Variants in CCDC88C observed in about 807,000 individuals in gnomAD.
CCDC88C encodes coiled-coil and HOOK domain protein 88C, also known as protein Daple.
A neutral mutation model predicts 198.8 loss-of-function variants in CCDC88C; 131 were observed. The ratio of observed to expected loss-of-function variants is 0.66; its 90% confidence interval spans 0.57 to 0.76. The LOEUF is 0.76. CCDC88C is among the 30% of genes least tolerant of loss of function. CCDC88C has a pLI of 0.00. For synonymous variants in CCDC88C, 1,166 were observed against 1,114.7 expected (o/e 1.05, Z -0.92); for missense variants, 2,553 against 2,631.6 (o/e 0.97, Z 0.65).
At position 91,299,819 on chromosome 14, in the gene CCDC88C, A is replaced by G. The variant is rs114912381; in HGVS notation, c.3779+108T>C. On this transcript the variant is annotated intron_variant, in intron 21 of 29. Transcript: ENST00000389857. The stretch of plus-strand genomic sequence containing the variant: ...CAGCTGTTCACACAGCAAGGGATAA[A>G]AATCCACGATCGCCAGGGGACTTGA... The G allele has an allele frequency of 1.2e-3, 1,620 of 1,379,534 alleles. 16 individuals carry two copies. In the African/African-American group the frequency reaches 0.022, roughly 18 times the overall value. 85.5% of individuals were successfully genotyped at this position (1,379,534 alleles called of 1,614,324 possible). A position where few individuals can be genotyped will look rare whatever the true frequency, so the allele number is the denominator to read the frequency against.
At chr14:91,378,254 G>A (rs1884574168) in intron 3 of CCDC88C, among the ~76,000 whole-genome samples, 1 of 152,168 alleles carries the variant, frequency 6.6e-6, no homozygotes, top group Non-Finnish European at 1.5e-5. Flanking sequence ...GGGGAGGCCT[G>A]AGCTGGAGGG....
chr14:91,276,329 G>T (rs927728953), intron 29 of CCDC88C, among the ~76,000 whole-genome samples: 1 of 152,248 alleles, frequency 6.6e-6, no homozygotes, highest in Admixed American at 6.5e-5. Flanking sequence ...CTTCTCGAGG[G>T]CAGGCCCTCC....
At chr14:91,278,600 C>T (rs1019533591) in intron 28 of CCDC88C, among the ~76,000 whole-genome samples, 47 of 152,162 alleles carry the variant, frequency 3.1e-4, no homozygotes, top group African/African-American at 1.1e-3. Flanking sequence ...CATACATGTT[C>T]CGAGAATCAA....
chr14:91,313,671 G>C lies in CCDC88C; in HGVS notation c.2145C>G (p.Thr715=), dbSNP rs745992611. 5.6e-6 allele frequency: 9 copies of C among 1,612,018 alleles called. No individual in the cohort carries two copies. Among genetic ancestry groups the C allele is most frequent in the Non-Finnish European group, 7.6e-6 (9 of 1,179,878 alleles). The change falls in exon 15 of 30, where the codon ACC becomes ACG. Residue 715 remains threonine, a synonymous_variant. Coordinates refer to ENST00000389857, the MANE Select transcript of CCDC88C (RefSeq NM_001080414.4). The surrounding 1 kb of genome is among the most constrained non-coding windows in gnomAD (Gnocchi z 5.2). ...ENLELRRLVE[T]MRFTSTKLAQ... ...CCAGCTTGGTGCTGGTGAAGCGCAT[G>C]GTCTCCACCAGCCTGCGCAGCTCCA...
Position 91,321,256 on chromosome 14 carries a change from C to A in CCDC88C, c.1391G>T (p.Arg464Leu). The A allele has an allele frequency of 1.3e-6, 2 of 1,584,378 alleles. No individual in the cohort carries two copies. Among genetic ancestry groups the A allele is most frequent in the South Asian group, 2.3e-5 (2 of 87,060 alleles). The change falls in exon 13 of 30, where the codon CGC becomes CTC. Residue 464 changes from arginine to leucine, a missense_variant. By Grantham distance (102) the Arg-to-Leu change is moderately radical (BLOSUM62 -2). This residue lies in a region of CCDC88C where 1,260 missense variants were observed against 1,412.0 expected (regional missense o/e 0.89). Transcript: ENST00000389857. Reference protein sequence around the residue: ...VFELNECASSRILKLEKENQS... With the variant: ...VFELNECASSLILKLEKENQS... The stretch of plus-strand genomic sequence containing the variant: ...ATTCTCCTTCTCCAGCTTCAGGATG[C>A]GGCTGGACGCACATTCGTTCAGCTC...
rs1225045010 is a variant in CCDC88C at position 91,325,007 on chromosome 14, G to A, written c.1198-84C>T. The A allele has an allele frequency of 1.5e-5, 23 of 1,527,482 alleles. No homozygotes were observed. Among genetic ancestry groups the A allele is most frequent in the Non-Finnish European group, 1.8e-5 (20 of 1,115,694 alleles). 94.6% of individuals were successfully genotyped at this position (1,527,482 alleles called of 1,614,324 possible). On this transcript the variant is annotated intron_variant, in intron 11 of 29. Transcript: ENST00000389857. This position sits in a 1 kb window ranked among gnomAD's most constrained non-coding sequence, Gnocchi z 4.1. ...AAGCCTCAGCCCCTGTATAGCTACC[G>A]TCATGTGCTGTGGATGAAGATGTAC...
rs1199833249 is a variant in CCDC88C, at chr14:91,272,427, CGTTA to C, written c.*194_*197del. On this transcript the variant is annotated 3_prime_UTR_variant, in exon 30 of 30. Transcript: ENST00000389857. ...CTGGAAGCGGCAGACACAGAAAACA[CGTTA>C]CACACCTGGAAGCGTAATCCTCTTG... 3.4e-6 allele frequency: 2 copies of C among 582,292 alleles called. No individual in the cohort carries two copies. Among genetic ancestry groups the C allele is most frequent in the Non-Finnish European group, 5.9e-6 (2 of 337,540 alleles). The allele number at this position is 582,292 out of a possible 1,614,324, so 36.1% of individuals were successfully genotyped here. A position where few individuals can be genotyped will look rare whatever the true frequency, so the allele number is the denominator to read the frequency against.
chr14:91,398,930 C>T (rs1459229009), intron 3 of CCDC88C, among the ~76,000 whole-genome samples: 1 of 152,182 alleles, frequency 6.6e-6, no homozygotes, highest in Non-Finnish European at 1.5e-5. Flanking sequence ...GTGCTTGCTC[C>T]AGGTGGGCAC....
chr14:91,293,130 CAGCCCACCTTCCCATCCTCACCTGCCAT>C (rs1567054648), intron 23 of CCDC88C, among the ~76,000 whole-genome samples: 77 of 147,610 alleles, frequency 5.2e-4, no homozygotes, highest in African/African-American at 1.8e-3. Context: ...TCACTTGCCA[CAGCCCACCTTCCCATCCTCACCTGCCAT>C]AGCCCACCTT....
chr14:91,393,183 G>A (rs1297191722), intron 3 of CCDC88C, among the ~76,000 whole-genome samples: 2 of 152,186 alleles, frequency 1.3e-5, no homozygotes, highest in African/African-American at 4.8e-5. Context: ...AAGAGGAACA[G>A]GCTAGGAGGG....
chr14:91,286,905 C>T (rs1474020352), intron 25 of CCDC88C, among the ~76,000 whole-genome samples: 1 of 152,212 alleles, frequency 6.6e-6, no homozygotes, highest in African/African-American at 2.4e-5. Context: ...CCACGTCCAC[C>T]TGCCTTGATA....
In CCDC88C at chr14:91,283,503, T is replaced by G. The variant is rs1419174514; in HGVS notation, c.4456A>C (p.Lys1486Gln). ...CTGTGTGGGGAGCCTCGCTTTGGTT[T>G]TAGATCCCCAGGGCCTGAGGCAGAA... ...GSVGKGPGDL[K>Q]PKRGSPHRGS... is the part of the protein sequence containing the mutation. The change falls in exon 26 of 30, where the codon AAA (lysine) becomes CAA (glutamine). Residue 1486 changes from lysine to glutamine, a missense_variant. Transcript: ENST00000389857. 6.2e-7 allele frequency: 1 copy of G among 1,610,554 alleles called. No individual in the cohort carries two copies.
chr14:91,405,542 T>C (rs921170835), intron 3 of CCDC88C, among the ~76,000 whole-genome samples: 1 of 151,740 alleles, frequency 6.6e-6, no homozygotes, highest in South Asian at 2.1e-4. Context: ...TAATGTTAGG[T>C]GGGAGGGAAA....
At chr14:91,387,708 G>A (rs1885229147) in intron 3 of CCDC88C, among the ~76,000 whole-genome samples, 1 of 152,190 alleles carries the variant, frequency 6.6e-6, no homozygotes, top group African/African-American at 2.4e-5. Context: ...TGCAGCCACA[G>A]GAAGATTCCT....
At chr14:91,328,533 G>C (rs61988405) in intron 10 of CCDC88C, among the ~76,000 whole-genome samples, 5,506 of 152,242 alleles carry the variant, frequency 0.036, 105 homozygotes, top group Middle Eastern at 0.054. Flanking sequence ...ACAGCTGAGG[G>C]GACCACACTC....
intron 3 of CCDC88C, among the ~76,000 whole-genome samples, chr14:91,385,058 C>T (rs1354746313): frequency 6.6e-6 from 1 of 152,174 alleles, no homozygotes; most frequent in African/African-American, 2.4e-5. Flanking sequence ...ATGGTGAGAC[C>T]GGCACTACCA....
At chr14:91,401,073 G>A (rs936627908) in intron 3 of CCDC88C, among the ~76,000 whole-genome samples, 10 of 151,318 alleles carry the variant, frequency 6.6e-5, no homozygotes, top group Admixed American at 2.7e-4. Flanking sequence ...TGAAAAAAAG[G>A]CAGGTTACAA....
chr14:91,340,082 TCA>T (rs1893256221), intron 6 of CCDC88C, 58 bp from the exon 7 acceptor site: 1 of 1,582,922 alleles, frequency 6.3e-7, no homozygotes, highest in Non-Finnish European at 8.6e-7. Context: ...CCCACTTCCC[TCA>T]CACTGCAAAC....
At chr14:91,402,485 GAAAGATC>G (rs1325334605) in intron 3 of CCDC88C, among the ~76,000 whole-genome samples, 1 of 152,202 alleles carries the variant, frequency 6.6e-6, no homozygotes, top group Non-Finnish European at 1.5e-5. Flanking sequence ...AAGTCTCGAA[GAAAGATC>G]ACACAAAGCT....
Sources: gnomAD v4.1 joint callset for allele counts (sites outside exome capture counted in the v4.1 genomes callset) on GRCh38, gnomAD v4.1.1 for gene constraint, gnomAD v4.1.1 regional missense constraint, Gnocchi (gnomAD v3.1) non-coding constraint, MANE v1.5 for transcripts, NCBI Gene and HGNC (gene_info 2026-07-23, HGNC 2026-07-21) for gene names.